MAGI2: variants seen among roughly 807,000 people sequenced by gnomAD.
MAGI2 encodes the protein membrane-associated guanylate kinase, WW and PDZ domain-containing protein 2.
A neutral mutation model predicts 133.3 loss-of-function variants in MAGI2; 35 were observed. That is an observed-to-expected ratio of 0.26 (90% CI 0.20 to 0.35). MAGI2 has a LOEUF of 0.35. Among genes scored for constraint, MAGI2 ranks in the 10% least tolerant of loss-of-function variants. The pLI is 1.00. For missense variants in MAGI2, 1,636 were observed against 1,863.4 expected, an observed-to-expected ratio of 0.88 and a Z score of 2.25; for synonymous variants, 729 against 710.6, an observed-to-expected ratio of 1.03 and a Z score of -0.41.
chr7:79,295,011 T>C (rs1410577892), intron 1 of MAGI2, among the ~76,000 whole-genome samples: 1 of 152,072 alleles, frequency 6.6e-6, no homozygotes. Context: ...GTGCTGGGAT[T>C]ACAGGCTTGA....
At chr7:78,280,997 C>G (rs1795514546) in intron 9 of MAGI2, among the ~76,000 whole-genome samples, 1 of 152,040 alleles carries the variant, frequency 6.6e-6, no homozygotes, top group African/African-American at 2.4e-5. Flanking sequence ...ATCAAAATCT[C>G]CTTCCTCATA....
At chr7:78,121,855 T>C (rs918687169) in intron 20 of MAGI2, among the ~76,000 whole-genome samples, 1 of 152,058 alleles carries the variant, frequency 6.6e-6, no homozygotes, top group Admixed American at 6.5e-5. Flanking sequence ...AATGGAAAAA[T>C]AGATAATTAT....
At chr7:78,177,935 C>A in intron 14 of MAGI2, 76 bp downstream of exon 14, 2 of 1,036,428 alleles carry the variant, frequency 1.9e-6, no homozygotes, top group Non-Finnish European at 3.0e-6. Context: ...TTAGATATCA[C>A]ACTAAACACT....
At chr7:78,618,939 G>A (rs553595050) in intron 3 of MAGI2, 6 of 145,404 alleles carry the variant, frequency 4.1e-5, no homozygotes, top group East Asian at 2.0e-4. Context: ...AGGAGGAATC[G>A]GTTCTGGTGA....
At chr7:78,690,083 C>T (rs1457686063) in intron 2 of MAGI2, among the ~76,000 whole-genome samples, 1 of 152,058 alleles carries the variant, frequency 6.6e-6, no homozygotes, top group African/African-American at 2.4e-5. Flanking sequence ...TTTCATTTGG[C>T]TTTAGACCAT....
chr7:79,214,395 CTCTCTCTCTCTCTATATATATATA>C lies in MAGI2; in HGVS notation c.302-207213_302-207190del, dbSNP rs1235755509. On this transcript the variant is annotated intron_variant, in intron 1 of 21. Transcript: ENST00000354212. Reference sequence around the variant, plus strand: ...TCTCTCTCTCTCTCTCTCTCTCTCTCTCTCTCTCTCTCTATATATATATATATATATATATATATATATATATAA... The same window carrying C: ...TCTCTCTCTCTCTCTCTCTCTCTCTCTATATATATATATATATATATATAA... Among the ~76,000 whole-genome samples, 119 of 89,060 alleles carry C rather than the reference CTCTCTCTCTCTCTATATATATATA, an allele frequency of 1.3e-3. 1 individual carries two copies. Among genetic ancestry groups the C allele is most frequent in the African/African-American group, 5.2e-3 (107 of 20,546 alleles). The allele number at this position is 89,060 out of a possible 152,430, so 58.4% of individuals were successfully genotyped here. A position where few individuals can be genotyped will look rare whatever the true frequency, so the allele number is the denominator to read the frequency against.
chr7:78,706,333 C>G (rs942073667), intron 2 of MAGI2, among the ~76,000 whole-genome samples: 3 of 151,960 alleles, frequency 2.0e-5, no homozygotes, highest in Non-Finnish European at 4.4e-5. Flanking sequence ...CTCATTTTCT[C>G]TTGCCACCAT....
chr7:78,242,944 T>C (rs1265977230), intron 10 of MAGI2, among the ~76,000 whole-genome samples: 1 of 152,062 alleles, frequency 6.6e-6, no homozygotes, highest in Non-Finnish European at 1.5e-5. Context: ...TGGTGCCATA[T>C]GCCTGTGGTC....
chr7:78,475,813 C>A (rs1791688451), intron 6 of MAGI2, among the ~76,000 whole-genome samples: 1 of 151,754 alleles, frequency 6.6e-6, no homozygotes. Context: ...CCAAATGAAG[C>A]AATCTAGTAG....
At chr7:78,072,946 C>T in intron 21 of MAGI2, 1 of 398,670 alleles carries the variant, frequency 2.5e-6, no homozygotes, top group Non-Finnish European at 4.4e-6. Flanking sequence ...GTGTGAGCCA[C>T]CCCGCCTGGC....
chr7:79,296,674 T>C (rs1836954706), intron 1 of MAGI2, among the ~76,000 whole-genome samples: 1 of 152,174 alleles, frequency 6.6e-6, no homozygotes. Flanking sequence ...TGTGGAATCC[T>C]GAAAAGTTGA....
intron 2 of MAGI2, among the ~76,000 whole-genome samples, chr7:78,720,835 C>A (rs1369793472): frequency 6.6e-6 from 1 of 152,032 alleles, no homozygotes; most frequent in Admixed American, 6.5e-5. Flanking sequence ...AAATAGACAA[C>A]CCTTGGATCT....
rs1437719472 is a variant in MAGI2 at position 78,330,442 on chromosome 7, C to G, written c.1408+13336G>C. ...ACCATCCTGGCTAACACGGTGAAAC[C>G]CTGTCTCTACTAAAAATACAAAAAA... On this transcript the variant is annotated intron_variant, in intron 9 of 21. Transcript: ENST00000354212. Among the ~76,000 whole-genome samples, 3 of 59,818 alleles carry G rather than the reference C, an allele frequency of 5.0e-5. 1 individual carries two copies. Among genetic ancestry groups the G allele is most frequent in the Admixed American group, 1.5e-4 (1 of 6,788 alleles). The allele number at this position is 59,818 out of a possible 152,430, so 39.2% of individuals were successfully genotyped here.
intron 2 of MAGI2, among the ~76,000 whole-genome samples, chr7:78,916,375 A>G (rs960860087): frequency 1.3e-5 from 2 of 152,146 alleles, no homozygotes; most frequent in African/African-American, 4.8e-5. Context: ...AACAATATTA[A>G]TTAAGACCAG....
chr7:79,253,184 T>A (rs1414812982), intron 1 of MAGI2, among the ~76,000 whole-genome samples: 1 of 152,242 alleles, frequency 6.6e-6, no homozygotes, highest in African/African-American at 2.4e-5. Context: ...TATTATTTTT[T>A]AAAATATCAT....
chr7:78,780,869 C>T (rs1826341554), intron 2 of MAGI2, among the ~76,000 whole-genome samples: 1 of 152,182 alleles, frequency 6.6e-6, no homozygotes, highest in Admixed American at 6.5e-5. Context: ...GCTGGAATTC[C>T]TCTAGAATAA....
At chr7:78,688,212 T>A (rs1056134345) in intron 2 of MAGI2, among the ~76,000 whole-genome samples, 1 of 152,150 alleles carries the variant, frequency 6.6e-6, no homozygotes, top group Non-Finnish European at 1.5e-5. Context: ...TTACCCAATG[T>A]AATGATAAAA....
chr7:79,006,275 C>T lies in MAGI2; in HGVS notation c.418+815G>A, dbSNP rs181741584. Among the ~76,000 whole-genome samples the T allele has an allele frequency of 1.8e-3, 270 of 152,072 alleles. 1 individual carries two copies. The highest frequency in any genetic ancestry group is 6.0e-3 in the African/African-American group (249 of 41,486). ...CTCATAGCTTTGAATTTATTTAGAA[C>T]GGAACTAAAAGAAAAGAAACTCACA... On this transcript the variant is annotated intron_variant, in intron 2 of 21. Coordinates refer to ENST00000354212, the MANE Select transcript of MAGI2 (RefSeq NM_012301.4).
Position 78,573,291 on chromosome 7 carries a change from A to T in MAGI2, c.539-51646T>A, listed in dbSNP as rs868527412. 8.6e-4 allele frequency among the ~76,000 whole-genome samples: 46 copies of T among 53,320 alleles called. 1 individual carries two copies. Among genetic ancestry groups the T allele is most frequent in the African/African-American group, 2.9e-3 (31 of 10,592 alleles). The allele number at this position is 53,320 out of a possible 152,430, so 35.0% of individuals were successfully genotyped here. ...ATATATAAATATATATATTTATATAAATATATATATTTATATATATAAATA... is the reference window on the plus strand; with the variant it reads ...ATATATAAATATATATATTTATATATATATATATATTTATATATATAAATA... On this transcript the variant is annotated intron_variant, in intron 3 of 21. Coordinates refer to ENST00000354212, the MANE Select transcript of MAGI2 (RefSeq NM_012301.4).
Sources: allele counts gnomAD v4.1 joint callset (sites outside exome capture counted in the v4.1 genomes callset), GRCh38; gene constraint gnomAD v4.1.1; transcripts MANE v1.5; gene names NCBI Gene and HGNC (gene_info 2026-07-23, HGNC 2026-07-21).